Variants in TANGO6 observed in about 807,000 individuals in gnomAD.
TANGO6 encodes the protein transport and golgi organization 6 homolog.
Under a neutral mutation model 114.2 loss-of-function variants are expected in TANGO6, and 90 were observed. The observed-to-expected ratio is 0.79, with a 90% confidence interval of 0.66 to 0.94. TANGO6 has a LOEUF of 0.94. Ranked by LOEUF, TANGO6 falls within the 40% of genes least tolerant of loss-of-function variation. The probability of loss-of-function intolerance (pLI) is 0.00; values close to 1 mark genes in which losing one functional copy is unlikely to be tolerated. For synonymous variants in TANGO6, 477 were observed against 509.8 expected, an observed-to-expected ratio of 0.94 and a Z score of 0.87; for missense variants, 1,274 against 1,315.3, an observed-to-expected ratio of 0.97 and a Z score of 0.49.
Position 68,909,221 on chromosome 16 carries a change from A to C in TANGO6, c.1811A>C (p.His604Pro), listed in dbSNP as rs1157306713. 2 of 1,578,484 alleles carry C rather than the reference A, an allele frequency of 1.3e-6. No homozygotes were observed. Among genetic ancestry groups the C allele is most frequent in the Non-Finnish European group, 1.7e-6 (2 of 1,158,722 alleles). Reference protein sequence around the residue: ...FFIFCLKELTHVASENETELK... With the variant: ...FFIFCLKELTPVASENETELK... ...CTGCCATGCTTGTAGGAGTTGACTC[A>C]TGTGGCCTCGGAAAATGAAACAGAG... Residue 604 changes from histidine to proline, a missense_variant, in exon 11 of 18, where the codon CAT becomes CCT. His to Pro is a moderately conservative substitution (Grantham distance 77, BLOSUM62 -2). This residue lies in a region of TANGO6 where 908 missense variants were observed against 910.2 expected (regional missense o/e 1.00). Coordinates refer to ENST00000261778, the MANE Select transcript of TANGO6 (RefSeq NM_024562.2).
chr16:68,892,487 C>T (rs528940470), intron 7 of TANGO6, among the ~76,000 whole-genome samples: 30 of 151,398 alleles, frequency 2.0e-4, no homozygotes, highest in Non-Finnish European at 3.4e-4. Flanking sequence ...TGAAAAGCCA[C>T]GGGTAAGTGG....
intron 15 of TANGO6, among the ~76,000 whole-genome samples, chr16:69,006,055 C>T (rs749692156): frequency 9.2e-5 from 14 of 152,098 alleles, no homozygotes; most frequent in Non-Finnish European, 1.8e-4. Context: ...ATATTGTCAC[C>T]ATCGTTTACT....
chr16:68,867,598 G>A (rs1962199302), intron 4 of TANGO6: 2 of 169,424 alleles, frequency 1.2e-5, no homozygotes, highest in South Asian at 2.9e-4. Flanking sequence ...CCAGCACTTT[G>A]GGAGGCCAAA....
chr16:68,859,897 T>G lies in TANGO6; in HGVS notation c.108T>G (p.Ser36Arg), dbSNP rs1596991353. 12 of 1,576,626 alleles carry G rather than the reference T, an allele frequency of 7.6e-6. No individual in the cohort carries two copies. Among genetic ancestry groups the G allele is most frequent in the Non-Finnish European group, 1.0e-5 (12 of 1,163,420 alleles). Residue 36 changes from serine to arginine, a missense_variant, in exon 2 of 18, where the codon AGT becomes AGG. By Grantham distance (110) the Ser-to-Arg change is moderately radical (BLOSUM62 -1). Around this residue, in one of 5 missense-constraint regions of TANGO6, gnomAD observed 114 missense variants for 104.6 expected, o/e 1.09. Coordinates refer to ENST00000261778, the MANE Select transcript of TANGO6 (RefSeq NM_024562.2). ...CTTCTTCAAAAGGCTCGGGCTCAAG[T>G]TCACTACAGGTCACAAAACATGATG... ...LLLSPGGSGSSSLQVTKHDVL... is the reference protein window; with the variant it reads ...LLLSPGGSGSRSLQVTKHDVL...
At position 68,860,338 on chromosome 16, in the gene TANGO6, G is replaced by A. The variant is rs111924785; in HGVS notation, c.549G>A (p.Val183=). 9.9e-6 allele frequency: 16 copies of A among 1,613,988 alleles called. No individual in the cohort carries two copies. Among genetic ancestry groups the A allele is most frequent in the African/African-American group, 9.3e-5 (7 of 75,042 alleles). Residue 183 remains valine, a synonymous_variant, in exon 2 of 18, where the codon GTG becomes GTA. Transcript: ENST00000261778. The part of the protein sequence containing the change: ...TEFGAVVQDV[V]CFDAAPDATR... ...TTGGTGCCGTCGTTCAAGACGTGGTGTGTTTTGATGCTGCCCCCGATGCAA... is the reference window on the plus strand; with the variant it reads ...TTGGTGCCGTCGTTCAAGACGTGGTATGTTTTGATGCTGCCCCCGATGCAA...
At chr16:69,072,121 C>CTGTG (rs1960306176) in intron 17 of TANGO6, among the ~76,000 whole-genome samples, 1 of 66,654 alleles carries the variant, frequency 1.5e-5, no homozygotes, top group Non-Finnish European at 3.1e-5. Flanking sequence ...GAGAGGGAGA[C>CTGTG]CGTGTGTGTG....
rs1188422795 is a variant in TANGO6, at chr16:68,862,855, A to T, written c.736-90A>T. 4 of 861,090 alleles carry T rather than the reference A, an allele frequency of 4.6e-6. No homozygotes were observed. In the East Asian group the frequency reaches 7.9e-5, roughly 17 times the overall value. The allele number at this position is 861,090 out of a possible 1,614,324, so 53.3% of individuals were successfully genotyped here. On this transcript the variant is annotated intron_variant, in intron 2 of 17. Coordinates refer to ENST00000261778, the MANE Select transcript of TANGO6 (RefSeq NM_024562.2). ...TAGAAGCCTTCTTTCCGCTCCTCTC[A>T]CAAGTATCTCTGTACAGTGTTGTAA...
chr16:69,016,385 C>T (rs904105917), intron 15 of TANGO6, among the ~76,000 whole-genome samples: 6 of 148,838 alleles, frequency 4.0e-5, no homozygotes, highest in African/African-American at 9.9e-5. Flanking sequence ...GCAACAAGAG[C>T]GAAACTCCAT....
At chr16:68,897,622 A>G (rs1962723747) in intron 7 of TANGO6, among the ~76,000 whole-genome samples, 1 of 149,430 alleles carries the variant, frequency 6.7e-6, no homozygotes, top group African/African-American at 2.5e-5. Flanking sequence ...CTTGTTGCCC[A>G]GGTTGGAGTA....
intron 7 of TANGO6, 105 bp from the exon 8 acceptor site, chr16:68,900,329 A>C: frequency 1.2e-6 from 1 of 826,744 alleles, no homozygotes; most frequent in Non-Finnish European, 2.0e-6. Flanking sequence ...GATTCGGATG[A>C]GATATTGCTT....
chr16:69,068,510 C>A (rs557070830), intron 17 of TANGO6, among the ~76,000 whole-genome samples: 2 of 152,230 alleles, frequency 1.3e-5, no homozygotes, highest in Admixed American at 1.3e-4. Flanking sequence ...CTGGCATATA[C>A]CAAGTACTAT....
chr16:68,995,250 C>T (rs967740141), intron 15 of TANGO6, among the ~76,000 whole-genome samples: 3 of 152,182 alleles, frequency 2.0e-5, no homozygotes, highest in African/African-American at 7.2e-5. Flanking sequence ...TCAGGGTCAC[C>T]TCTTGGTTAT....
At chr16:69,076,466 C>G (rs898523658) in intron 17 of TANGO6, among the ~76,000 whole-genome samples, 5 of 152,122 alleles carry the variant, frequency 3.3e-5, no homozygotes, top group African/African-American at 9.7e-5. Context: ...CTGAAAGGAA[C>G]AAGAATAATG....
intron 11 of TANGO6, among the ~76,000 whole-genome samples, chr16:68,913,404 A>ATT (rs769117351): frequency 4.3e-4 from 53 of 122,496 alleles, no homozygotes; most frequent in Non-Finnish European, 4.9e-4. Flanking sequence ...AAAATTATTA[A>ATT]TTTTTTTTTT....
At chr16:68,923,580 C>G (rs951152299) in intron 12 of TANGO6, among the ~76,000 whole-genome samples, 13 of 152,224 alleles carry the variant, frequency 8.5e-5, no homozygotes, top group African/African-American at 3.1e-4. Flanking sequence ...GGAAAATTCC[C>G]ATTATTTCAA....
At chr16:68,986,431 G>A (rs569614699) in intron 15 of TANGO6, among the ~76,000 whole-genome samples, 21 of 152,156 alleles carry the variant, frequency 1.4e-4, no homozygotes, top group African/African-American at 4.6e-4. Flanking sequence ...GTTTCCGGCT[G>A]TAAAACACCC....
chr16:68,981,449 G>A (rs1597046474), intron 15 of TANGO6, among the ~76,000 whole-genome samples: 1 of 151,978 alleles, frequency 6.6e-6, no homozygotes, highest in South Asian at 2.1e-4. Flanking sequence ...GACCTCAGGT[G>A]ATCCACCTGC....
At position 69,039,485 on chromosome 16, in the gene TANGO6, A is replaced by G. The variant is rs557728198; in HGVS notation, c.2995-823A>G. Among the ~76,000 whole-genome samples the G allele has an allele frequency of 5.5e-4, 83 of 151,836 alleles. 1 individual carries two copies. The South Asian group carries it at 0.016, about 30-fold the overall frequency. On this transcript the variant is annotated intron_variant, in intron 16 of 17. Coordinates refer to ENST00000261778, the MANE Select transcript of TANGO6 (RefSeq NM_024562.2). ...CCCTCATCTCTACAAAAAATAATCA[A>G]ATTAGCCAGGCATGGTGGCGCACAC...
At chr16:68,886,588 A>C (rs1347262467) in intron 7 of TANGO6, among the ~76,000 whole-genome samples, 1 of 151,980 alleles carries the variant, frequency 6.6e-6, no homozygotes, top group Non-Finnish European at 1.5e-5. Context: ...AGCTCACTGC[A>C]ACCCCCGCCT....
Sources: gnomAD v4.1 joint callset for allele counts (sites outside exome capture counted in the v4.1 genomes callset) on GRCh38, gnomAD v4.1.1 for gene constraint, gnomAD v4.1.1 regional missense constraint, MANE v1.5 for transcripts, NCBI Gene and HGNC (gene_info 2026-07-23, HGNC 2026-07-21) for gene names.